TPD52L1: variants seen among roughly 807,000 people sequenced by gnomAD.
TPD52L1 encodes the protein TPD52 like 1.
TPD52L1 carries 18 observed loss-of-function variants against 28.7 expected under a neutral mutation model. That is an observed-to-expected ratio of 0.63 (90% confidence interval 0.43 to 0.93). The LOEUF is 0.93. Among genes scored for constraint, TPD52L1 ranks in the 40% least tolerant of loss-of-function variants. TPD52L1 has a pLI of 0.00. For synonymous variants in TPD52L1, 75 were observed against 88.8 expected (o/e 0.84, Z 0.88); for missense variants, 203 against 254.8 (o/e 0.80, Z 1.39).
intron 2 of TPD52L1, among the ~76,000 whole-genome samples, chr6:125,227,879 T>C (rs973737229): frequency 2.0e-5 from 3 of 152,220 alleles, no homozygotes; most frequent in East Asian, 1.9e-4. Flanking sequence ...TGCTTTTCTG[T>C]AGCACAGGGG....
rs1798192108 is a variant in TPD52L1 at position 125,263,914 on chromosome 6, T to C, written c.*952T>C. 6.6e-6 allele frequency: 1 copy of C among 152,152 alleles called. No homozygotes were observed. The highest frequency in any genetic ancestry group is 2.4e-5 in the African/African-American group (1 of 41,434). 9.4% of individuals were successfully genotyped at this position (152,152 alleles called of 1,614,324 possible). A position where few individuals can be genotyped will look rare whatever the true frequency, so the allele number is the denominator to read the frequency against. On this transcript the variant is annotated 3_prime_UTR_variant, in exon 7 of 7. Transcript: ENST00000534000. The stretch of plus-strand genomic sequence containing the variant: ...CTAATTTGGTGAACATGAGAGAGGA[T>C]ATGAAAATAAATATTACCTCAGCTA...
chr6:125,257,040 C>A, intron 5 of TPD52L1, 58 bp from the exon 6 acceptor site: 1 of 1,484,180 alleles, frequency 6.7e-7, no homozygotes, highest in Non-Finnish European at 9.2e-7. Flanking sequence ...AACCAAACAG[C>A]ATGGTTGCTA....
chr6:125,216,265 G>A (rs879324813), intron 1 of TPD52L1, among the ~76,000 whole-genome samples: 20 of 152,182 alleles, frequency 1.3e-4, no homozygotes, highest in Middle Eastern at 3.4e-3. Context: ...TAGTTTAGCA[G>A]TAGGTTACAA....
Position 125,264,160 on chromosome 6 carries a change from A to G in TPD52L1, c.*1198A>G, listed in dbSNP as rs1440620940. 5.9e-5 allele frequency: 9 copies of G among 152,202 alleles called. No individual in the cohort carries two copies. Among genetic ancestry groups the G allele is most frequent in the Non-Finnish European group, 1.3e-4 (9 of 68,024 alleles). The allele number at this position is 152,202 out of a possible 1,614,324, so 9.4% of individuals were successfully genotyped here. ...CACTAACTTTTATCTTATATATCAT[A>G]TGTATCTCTTTTCTTTTTCTAAATG... On this transcript the variant is annotated 3_prime_UTR_variant, in exon 7 of 7. Transcript: ENST00000534000.
chr6:125,253,816 A>T (rs1797424594), intron 5 of TPD52L1, 61 bp downstream of exon 5: 3 of 1,455,204 alleles, frequency 2.1e-6, no homozygotes, highest in African/African-American at 2.8e-5. Flanking sequence ...GTGTTATTTT[A>T]TTTATATTTA....
chr6:125,256,361 A>C (rs1007441955), intron 5 of TPD52L1, among the ~76,000 whole-genome samples: 9 of 152,180 alleles, frequency 5.9e-5, no homozygotes, highest in African/African-American at 1.7e-4. Context: ...AAAGAAAAAA[A>C]AAGCCATTAG....
At chr6:125,242,546 C>A (rs1796676875) in intron 3 of TPD52L1, among the ~76,000 whole-genome samples, 1 of 151,926 alleles carries the variant, frequency 6.6e-6, no homozygotes. Context: ...TACATAATGT[C>A]CCTCTTGGTC....
At position 125,263,095 on chromosome 6, in the gene TPD52L1, C is replaced by T. The variant is rs2115086555; in HGVS notation, c.*133C>T. The T allele has an allele frequency of 1.4e-5, 15 of 1,107,858 alleles. No individual in the cohort carries two copies. The highest frequency in any genetic ancestry group is 3.4e-5 in the South Asian group (2 of 58,944). The allele number at this position is 1,107,858 out of a possible 1,614,324, so 68.6% of individuals were successfully genotyped here. On this transcript the variant is annotated 3_prime_UTR_variant, in exon 7 of 7. Coordinates refer to ENST00000534000, the MANE Select transcript of TPD52L1 (RefSeq NM_003287.4). ...CTTGACATTGTTATTCAAATGGCCC[C>T]TCCAGAAAGTTTAATGATTTCCATT...
At chr6:125,258,087 T>C (rs1248813954) in intron 6 of TPD52L1, among the ~76,000 whole-genome samples, 2 of 152,306 alleles carry the variant, frequency 1.3e-5, no homozygotes, top group African/African-American at 4.8e-5. Context: ...GATAAGTATA[T>C]GTGAGGTTGT....
At chr6:125,202,829 A>T (rs1314030465) in intron 1 of TPD52L1, among the ~76,000 whole-genome samples, 1 of 137,764 alleles carries the variant, frequency 7.3e-6, no homozygotes, top group African/African-American at 2.9e-5. Flanking sequence ...GCAGTGGCCC[A>T]ATCTCAGCTC....
intron 1 of TPD52L1, among the ~76,000 whole-genome samples, chr6:125,205,899 C>T (rs1794096700): frequency 6.6e-6 from 1 of 152,116 alleles, no homozygotes; most frequent in Non-Finnish European, 1.5e-5. Context: ...CATTTTTAGC[C>T]CAAGTTAGGT....
intron 3 of TPD52L1, among the ~76,000 whole-genome samples, chr6:125,246,803 C>T (rs1796947595): frequency 6.6e-6 from 1 of 151,788 alleles, no homozygotes; most frequent in Admixed American, 6.6e-5. Context: ...ACACAAATTA[C>T]CCCCTAGTCA....
chr6:125,221,060 C>A (rs1266711415), intron 2 of TPD52L1, among the ~76,000 whole-genome samples: 1 of 152,158 alleles, frequency 6.6e-6, no homozygotes, highest in African/African-American at 2.4e-5. Context: ...CTCCACCTTA[C>A]CCTCTCCCCA....
chr6:125,203,745 T>C (rs1313616590), intron 1 of TPD52L1: 1 of 985,268 alleles, frequency 1.0e-6, no homozygotes, highest in East Asian at 1.1e-4. Context: ...TGGAGTGAAG[T>C]TCTACACAGA....
chr6:125,162,497 T>G (rs1044356317), intron 1 of TPD52L1, among the ~76,000 whole-genome samples: 14 of 152,192 alleles, frequency 9.2e-5, no homozygotes, highest in African/African-American at 3.4e-4. Context: ...CAGATATTGA[T>G]TCATTAAATA....
intron 1 of TPD52L1, among the ~76,000 whole-genome samples, chr6:125,194,710 A>G (rs1286152262): frequency 6.6e-6 from 1 of 152,182 alleles, no homozygotes; most frequent in Non-Finnish European, 1.5e-5. Context: ...GTAAGACCAA[A>G]CTCAGACAAT....
chr6:125,172,532 A>ACACAC (rs1266999757), intron 1 of TPD52L1, among the ~76,000 whole-genome samples: 21 of 94,996 alleles, frequency 2.2e-4, no homozygotes, highest in Non-Finnish European at 3.5e-4. Flanking sequence ...ATATATATAT[A>ACACAC]TATATATATA....
At chr6:125,156,527 T>G (rs1248799375) in intron 1 of TPD52L1, among the ~76,000 whole-genome samples, 1 of 149,292 alleles carries the variant, frequency 6.7e-6, no homozygotes, top group African/African-American at 2.5e-5. Flanking sequence ...TCCAGCACTT[T>G]GGGAGGCTGG....
chr6:125,211,498 T>C (rs925062098), intron 1 of TPD52L1, among the ~76,000 whole-genome samples: 4 of 152,188 alleles, frequency 2.6e-5, no homozygotes, highest in Non-Finnish European at 4.4e-5. Context: ...TGTGCCCGAA[T>C]GTTGCAGTGG....
Sources: allele counts gnomAD v4.1 joint callset (sites outside exome capture counted in the v4.1 genomes callset), GRCh38; gene constraint gnomAD v4.1.1; transcripts MANE v1.5; gene names NCBI Gene and HGNC (gene_info 2026-07-23, HGNC 2026-07-21).